SMC6: variants seen among roughly 807,000 people sequenced by gnomAD.
The protein encoded by SMC6 is structural maintenance of chromosomes protein 6.
SMC6 carries 79 observed loss-of-function variants against 142.2 expected under a neutral mutation model. That is an observed-to-expected ratio of 0.56 (90% confidence interval 0.46 to 0.67). The LOEUF is 0.67. SMC6 is among the 30% of genes least tolerant of loss of function. The pLI, the probability that SMC6 is intolerant of heterozygous loss-of-function variation, is 0.00. For missense variants in SMC6, 1,072 were observed against 1,284.0 expected, an observed-to-expected ratio of 0.83 and a Z score of 2.52; for synonymous variants, 411 against 412.4, an observed-to-expected ratio of 1.00 and a Z score of 0.04.
At chr2:17,704,832 T>G (rs934223090) in intron 18 of SMC6, among the ~76,000 whole-genome samples, 1 of 152,144 alleles carries the variant, frequency 6.6e-6, no homozygotes, top group African/African-American at 2.4e-5. Flanking sequence ...AGGAAGAGAA[T>G]AGCGCAATTT....
chr2:17,740,621 G>A (rs1223627316), intron 4 of SMC6: 6 of 346,562 alleles, frequency 1.7e-5, no homozygotes, highest in South Asian at 8.4e-5. Context: ...CTGCGAAGCC[G>A]AGGTGGGCGG....
chr2:17,713,329 AAAG>A, intron 16 of SMC6: 1 of 358,664 alleles, frequency 2.8e-6, no homozygotes, highest in Non-Finnish European at 5.6e-6. Context: ...CTAAACCCTT[AAAG>A]AAGGTACCTC....
intron 19 of SMC6, among the ~76,000 whole-genome samples, 169 bp from the exon 20 acceptor site, chr2:17,702,078 T>G (rs754975009): frequency 2.0e-5 from 3 of 152,200 alleles, no homozygotes; most frequent in Non-Finnish European, 4.4e-5. Flanking sequence ...TACGTATAAA[T>G]TCTGCCATAT....
chr2:17,721,590 TG>T lies in SMC6; in HGVS notation c.727-330del, dbSNP rs1248448079. Reference sequence around the variant, plus strand: ...TTTATTCCCTATCTGATAGACATGATGGTCTGTTCCTCAAAGCAGAGTCAAT... The same window carrying T: ...TTTATTCCCTATCTGATAGACATGATGTCTGTTCCTCAAAGCAGAGTCAAT... On this transcript the variant is annotated intron_variant, in intron 9 of 27. Transcript: ENST00000448223. Among the ~76,000 whole-genome samples the T allele has an allele frequency of 2.0e-5, 3 of 152,154 alleles. No homozygotes were observed. The East Asian group carries it at 5.8e-4, about 29-fold the overall frequency.
intron 26 of SMC6, among the ~76,000 whole-genome samples, chr2:17,667,177 G>A (rs1315533039): frequency 6.6e-6 from 1 of 152,178 alleles, no homozygotes; most frequent in East Asian, 1.9e-4. Flanking sequence ...TGGTTAATGA[G>A]TCAGGGTAAT....
At chr2:17,727,449 C>T (rs1420425970) in intron 7 of SMC6, among the ~76,000 whole-genome samples, 6 of 152,058 alleles carry the variant, frequency 3.9e-5, no homozygotes, top group Admixed American at 3.9e-4. Context: ...CCTCAGCTTA[C>T]AGACAGCCTA....
chr2:17,741,857 T>C, intron 3 of SMC6, 128 bp from the exon 4 acceptor site: 1 of 564,972 alleles, frequency 1.8e-6, no homozygotes, highest in African/African-American at 1.9e-5. Context: ...TGAATAATGG[T>C]AACTTCAATG....
intron 20 of SMC6, 64 bp from the exon 21 acceptor site, chr2:17,700,442 CA>C (rs1389613881): frequency 8.5e-6 from 11 of 1,301,626 alleles, no homozygotes; most frequent in Non-Finnish European, 1.1e-5. Flanking sequence ...ATAGAAGAAA[CA>C]TAAAAATAAT....
At chr2:17,678,430 A>G (rs1667093554) in intron 25 of SMC6, among the ~76,000 whole-genome samples, 1 of 152,142 alleles carries the variant, frequency 6.6e-6, no homozygotes, top group Non-Finnish European at 1.5e-5. Flanking sequence ...CCTTAACTTA[A>G]AAATCAAAGA....
rs752829737 is a variant in SMC6, at chr2:17,717,109, C to T, written c.1160G>A (p.Arg387Gln). 34 of 1,610,470 alleles carry T rather than the reference C, an allele frequency of 2.1e-5. No individual in the cohort carries two copies. The highest frequency in any genetic ancestry group is 4.5e-5 in the East Asian group (2 of 44,634). Residue 387 changes from arginine (R) to glutamine (Q), a missense_variant, in exon 13 of 28, where the codon CGA (arginine) becomes CAA (glutamine). Physicochemically the swap from Arg to Gln is conservative, Grantham distance 43. Transcript: ENST00000448223. ...CTACCTTTTTTTCAGCTCTTCAATTCGTTTACAAAGCTGCTCATCATCTTT... is the reference window on the plus strand; with the variant it reads ...CTACCTTTTTTTCAGCTCTTCAATTTGTTTACAAAGCTGCTCATCATCTTT... ...LKKDDEQLCK[R>Q]IEELKKSTDQ... is the part of the protein sequence containing the mutation.
chr2:17,668,208 G>A (rs1284876724), intron 26 of SMC6, among the ~76,000 whole-genome samples: 6 of 152,174 alleles, frequency 3.9e-5, no homozygotes, highest in Non-Finnish European at 8.8e-5. Flanking sequence ...TGATAAGACT[G>A]CACAGCACCA....
chr2:17,728,109 G>C (rs1170994669), intron 7 of SMC6, among the ~76,000 whole-genome samples: 2 of 152,038 alleles, frequency 1.3e-5, no homozygotes, highest in Admixed American at 6.6e-5. Flanking sequence ...TTTTGAAATG[G>C]AGTTCCTACT....
At chr2:17,689,058 C>T (rs1427193017) in intron 23 of SMC6, among the ~76,000 whole-genome samples, 1 of 151,740 alleles carries the variant, frequency 6.6e-6, no homozygotes, top group Non-Finnish European at 1.5e-5. Context: ...TTATTAGTTG[C>T]AAGGGAAAAA....
chr2:17,680,128 A>G (rs1243910813), intron 24 of SMC6: 1 of 152,190 alleles, frequency 6.6e-6, no homozygotes, highest in Non-Finnish European at 1.5e-5. Context: ...CTGTTGTCAT[A>G]AAATGGCAAA....
chr2:17,740,779 G>A (rs78933839), intron 4 of SMC6: 1 of 425,678 alleles, frequency 2.3e-6, no homozygotes, highest in Non-Finnish European at 4.7e-6. Context: ...GAACCTGGGA[G>A]GCAGAGGTTG....
intron 18 of SMC6, among the ~76,000 whole-genome samples, chr2:17,704,279 A>G (rs1018525207): frequency 6.6e-5 from 10 of 152,238 alleles, no homozygotes; most frequent in Non-Finnish European, 1.2e-4. Flanking sequence ...AAATACAAAA[A>G]GGCACAGAGA....
chr2:17,710,440 AC>A, intron 16 of SMC6, among the ~76,000 whole-genome samples: 1 of 152,304 alleles, frequency 6.6e-6, no homozygotes, highest in African/African-American at 2.4e-5. Flanking sequence ...GAAAAAGGCA[AC>A]CTACAAACAC....
intron 26 of SMC6, among the ~76,000 whole-genome samples, chr2:17,669,251 A>C (rs937810330): frequency 1.6e-4 from 25 of 152,212 alleles, no homozygotes; most frequent in African/African-American, 6.0e-4. Context: ...AGATGAAGGC[A>C]CTTTCAACCT....
At chr2:17,702,122 G>A (rs1057105557) in intron 19 of SMC6, among the ~76,000 whole-genome samples, 1 of 152,144 alleles carries the variant, frequency 6.6e-6, no homozygotes, top group Non-Finnish European at 1.5e-5. Flanking sequence ...CCATGCAAAA[G>A]AGATGTAAGT....
Sources: allele counts gnomAD v4.1 joint callset (sites outside exome capture counted in the v4.1 genomes callset), GRCh38; gene constraint gnomAD v4.1.1; transcripts MANE v1.5; gene names NCBI Gene and HGNC (gene_info 2026-07-23, HGNC 2026-07-21).